Variants in PCDHA12 observed in about 807,000 individuals in gnomAD.
PCDHA12 encodes the protein protocadherin alpha-12.
Under a neutral mutation model 60.0 loss-of-function variants are expected in PCDHA12, and 44 were observed. The observed-to-expected ratio is 0.73, with a 90% CI of 0.58 to 0.94. The LOEUF (loss-of-function observed/expected upper bound fraction) is 0.94, where lower values mean the gene tolerates loss of function less well. Ranked by LOEUF, PCDHA12 falls within the 40% of genes least tolerant of loss-of-function variation. The probability of loss-of-function intolerance (pLI) is 0.00; values close to 1 mark genes in which losing one functional copy is unlikely to be tolerated. For missense variants in PCDHA12, 1,276 were observed against 1,239.7 expected, an observed-to-expected ratio of 1.03 and a Z score of -0.44; for synonymous variants, 569 against 553.0, an observed-to-expected ratio of 1.03 and a Z score of -0.40.
intron 1 of PCDHA12, among the ~76,000 whole-genome samples, chr5:140,941,764 A>T (rs116374830): frequency 2.0e-5 from 3 of 152,190 alleles, no homozygotes. Flanking sequence ...TGCTTTTAAG[A>T]TAATTGTTTT....
chr5:140,877,674 G>C lies in PCDHA12; in HGVS notation c.2202G>C (p.Pro734=). 2 of 1,613,630 alleles carry C rather than the reference G, an allele frequency of 1.2e-6. No individual in the cohort carries two copies. The highest frequency in any genetic ancestry group is 4.5e-5 in the East Asian group (2 of 44,856). ...SAPPTVSRCA[P]GKPTLVCSSA... ...CGCCCACCGTGAGCCGGTGCGCGCCGGGCAAGCCCACGCTGGTGTGCTCCA... is the reference window on the plus strand; with the variant it reads ...CGCCCACCGTGAGCCGGTGCGCGCCCGGCAAGCCCACGCTGGTGTGCTCCA... The change falls in exon 1 of 4, where the codon CCG becomes CCC. Residue 734 remains proline (P), a synonymous_variant. Coordinates refer to ENST00000398631, the MANE Select transcript of PCDHA12 (RefSeq NM_018903.4).
At chr5:140,906,218 A>G (rs2072464720) in intron 1 of PCDHA12, among the ~76,000 whole-genome samples, 1 of 152,176 alleles carries the variant, frequency 6.6e-6, no homozygotes, top group African/African-American at 2.4e-5. Flanking sequence ...ATTAACCATC[A>G]CAAGTCCTCC....
At chr5:140,990,354 G>GA (rs1554251439) in intron 3 of PCDHA12, among the ~76,000 whole-genome samples, 1 of 152,158 alleles carries the variant, frequency 6.6e-6, no homozygotes, top group Non-Finnish European at 1.5e-5. Context: ...GCCCTGTACA[G>GA]AAAATCTAAT....
At chr5:140,966,732 G>A in intron 1 of PCDHA12, 1 of 1,415,600 alleles carries the variant, frequency 7.1e-7, no homozygotes, top group South Asian at 1.6e-5. Flanking sequence ...GCCGCCTCCG[G>A]CCCTGCCCGG....
chr5:140,959,373 C>CA lies in PCDHA12; in HGVS notation c.2368-19566dup, dbSNP rs1243465116. Among the ~76,000 whole-genome samples the CA allele has an allele frequency of 8.3e-3, 1,208 of 145,190 alleles. 7 individuals carry two copies. Among genetic ancestry groups the CA allele is most frequent in the Admixed American group, 0.016 (228 of 14,544 alleles). ...GGGACAACTGAGTGAGACCCTGTCT[C>CA]AAAAAAAAAAGTCACAAATTAAGAT... On this transcript the variant is annotated intron_variant, in intron 1 of 3. Coordinates refer to ENST00000398631, the MANE Select transcript of PCDHA12 (RefSeq NM_018903.4).
At chr5:140,929,207 G>A (rs782298445) in intron 1 of PCDHA12, 6 of 1,614,104 alleles carry the variant, frequency 3.7e-6, no homozygotes, top group East Asian at 2.2e-5. Flanking sequence ...TTGCTGTTGC[G>A]TGGGGAGTAC....
At chr5:140,956,994 A>T (rs2095325479) in intron 1 of PCDHA12, among the ~76,000 whole-genome samples, 1 of 152,168 alleles carries the variant, frequency 6.6e-6, no homozygotes, top group Non-Finnish European at 1.5e-5. Flanking sequence ...AATTCAAGGA[A>T]GTGGTCTGAA....
chr5:140,923,219 CGTTTGAGCCCAGAA>C (rs6149268), intron 1 of PCDHA12, among the ~76,000 whole-genome samples: 47,935 of 151,966 alleles, frequency 0.32, 7,912 homozygotes, highest in East Asian at 0.52. Context: ...GTGAAAGGAT[CGTTTGAGCCCAGAA>C]GTTTGAGACC....
Position 140,967,363 on chromosome 5 carries a change from C to T in PCDHA12, c.2368-11586C>T, listed in dbSNP as rs539138806. On this transcript the variant is annotated intron_variant, in intron 1 of 3. Coordinates refer to ENST00000398631, the MANE Select transcript of PCDHA12 (RefSeq NM_018903.4). ...AGCACTTCGAGCTGGACCTTAAGCCCCTGCAGGAGAACAGTAAAGTGCTTG... is the reference window on the plus strand; with the variant it reads ...AGCACTTCGAGCTGGACCTTAAGCCTCTGCAGGAGAACAGTAAAGTGCTTG... The T allele has an allele frequency of 1.6e-5, 26 of 1,607,546 alleles. No homozygotes were observed. The South Asian group carries it at 2.9e-4, about 18-fold the overall frequency.
At chr5:140,928,718 T>C in intron 1 of PCDHA12, 1 of 1,614,174 alleles carries the variant, frequency 6.2e-7, no homozygotes, top group East Asian at 2.2e-5. Context: ...TCTAGTCTCT[T>C]TAGAATTTCA....
intron 3 of PCDHA12, among the ~76,000 whole-genome samples, chr5:140,999,830 T>C (rs146250053): frequency 2.0e-5 from 3 of 152,238 alleles, no homozygotes; most frequent in Non-Finnish European, 4.4e-5. Context: ...GCTTTAAAAA[T>C]ATGCCAAGTG....
At chr5:140,967,849 T>C in intron 1 of PCDHA12, 1 of 1,614,116 alleles carries the variant, frequency 6.2e-7, no homozygotes, top group Non-Finnish European at 8.5e-7. Flanking sequence ...TGAATGACAA[T>C]GCCCCAGAGG....
At chr5:140,987,262 G>A (rs563934474) in intron 3 of PCDHA12, among the ~76,000 whole-genome samples, 1 of 151,978 alleles carries the variant, frequency 6.6e-6, no homozygotes, top group South Asian at 2.1e-4. Context: ...TCTCAGGAAT[G>A]GGACCCGGCA....
chr5:140,932,824 G>A (rs1484280278), intron 1 of PCDHA12, among the ~76,000 whole-genome samples: 4 of 151,902 alleles, frequency 2.6e-5, no homozygotes, highest in Admixed American at 6.6e-5. Context: ...AAGTGGGAAA[G>A]TATTGACAAT....
intron 1 of PCDHA12, among the ~76,000 whole-genome samples, chr5:140,899,732 T>C (rs1174883648): frequency 6.6e-6 from 1 of 152,222 alleles, no homozygotes; most frequent in Non-Finnish European, 1.5e-5. Context: ...TTTCTATTGA[T>C]TGGAATAGTT....
At chr5:140,958,593 A>G (rs1412529643) in intron 1 of PCDHA12, among the ~76,000 whole-genome samples, 2 of 152,214 alleles carry the variant, frequency 1.3e-5, no homozygotes, top group African/African-American at 4.8e-5. Context: ...GCTTATGATA[A>G]TTGGATCAAA....
intron 1 of PCDHA12, among the ~76,000 whole-genome samples, chr5:140,975,613 A>G (rs1482474647): frequency 1.3e-5 from 2 of 152,226 alleles, no homozygotes; most frequent in Non-Finnish European, 2.9e-5. Context: ...TGTCTTCCAC[A>G]TGGATTTCCA....
At chr5:140,993,462 TCACACACACACACACACACACA>T (rs3836747) in intron 3 of PCDHA12, among the ~76,000 whole-genome samples, 6 of 141,044 alleles carry the variant, frequency 4.3e-5, no homozygotes, top group East Asian at 4.2e-4. Context: ...TCTTTCTTTC[TCACACACACACACACACACACA>T]CACACACACA....
intron 1 of PCDHA12, among the ~76,000 whole-genome samples, chr5:140,950,294 C>T (rs1396440202): frequency 6.6e-6 from 1 of 151,970 alleles, no homozygotes; most frequent in African/African-American, 2.4e-5. Context: ...ACCTGAAAAA[C>T]TTTACTTAGC....
Sources: allele counts gnomAD v4.1 joint callset (sites outside exome capture counted in the v4.1 genomes callset), GRCh38; gene constraint gnomAD v4.1.1; transcripts MANE v1.5; gene names NCBI Gene and HGNC (gene_info 2026-07-23, HGNC 2026-07-21).